GALNT13: variants seen among roughly 807,000 people sequenced by gnomAD.
GALNT13 encodes the protein UDP-GalNAc:polypeptide N-acetylgalactosaminyltransferase 13.
A neutral mutation model predicts 64.2 loss-of-function variants in GALNT13; 28 were observed. The ratio of observed to expected loss-of-function variants is 0.44; its 90% CI spans 0.32 to 0.60. The LOEUF (loss-of-function observed/expected upper bound fraction) is 0.60, where lower values mean the gene tolerates loss of function less well. Ranked by LOEUF, GALNT13 falls within the 20% of genes least tolerant of loss-of-function variation. GALNT13 has a pLI of 0.05. For missense variants in GALNT13, 577 were observed against 669.8 expected (o/e 0.86, Z 1.53); for synonymous variants, 214 against 224.6 (o/e 0.95, Z 0.42).
chr2:153,140,372 G>A, the GALNT13 span, among the ~76,000 whole-genome samples: 3 of 151,952 alleles, frequency 2.0e-5, no homozygotes, highest in African/African-American at 7.2e-5. Context: ...GATTCCAAAG[G>A]TTGTATACAA....
the GALNT13 span, among the ~76,000 whole-genome samples, chr2:153,589,298 C>A: frequency 6.6e-6 from 1 of 152,202 alleles, no homozygotes; most frequent in Non-Finnish European, 1.5e-5. Context: ...ACAAGTTCTT[C>A]CTCTCCATCT....
chr2:153,171,078 C>T, the GALNT13 span, among the ~76,000 whole-genome samples: 1 of 152,178 alleles, frequency 6.6e-6, no homozygotes. Context: ...ATTCGGTTAC[C>T]CCACTGGTAG....
the GALNT13 span, among the ~76,000 whole-genome samples, chr2:153,254,726 A>G: frequency 6.6e-6 from 1 of 151,734 alleles, no homozygotes; most frequent in Non-Finnish European, 1.5e-5. Context: ...TTCGTTATGT[A>G]CCCAGTAATC....
At chr2:153,427,080 A>G in the GALNT13 span, among the ~76,000 whole-genome samples, 1 of 152,010 alleles carries the variant, frequency 6.6e-6, no homozygotes. Context: ...CACCAGGAAA[A>G]CATTTTAAAT....
the GALNT13 span, among the ~76,000 whole-genome samples, chr2:153,791,419 C>CA: frequency 3.9e-5 from 6 of 151,990 alleles, no homozygotes; most frequent in Non-Finnish European, 7.4e-5. Flanking sequence ...ATTAAAAAGT[C>CA]AAAAAATAAC....
chr2:154,422,507 T>A (rs1358121543), intron 11 of GALNT13, among the ~76,000 whole-genome samples: 3 of 152,204 alleles, frequency 2.0e-5, no homozygotes, highest in African/African-American at 7.2e-5. Context: ...AACAGCCTAG[T>A]GTCCATTCCA....
chr2:154,262,590 T>C (rs961200208), intron 8 of GALNT13, among the ~76,000 whole-genome samples: 1 of 152,196 alleles, frequency 6.6e-6, no homozygotes, highest in African/African-American at 2.4e-5. Flanking sequence ...CTAACAGCAC[T>C]GTCTAAACAT....
the GALNT13 span, among the ~76,000 whole-genome samples, chr2:153,360,975 A>G: frequency 0.14 from 21,131 of 152,144 alleles, 1,537 homozygotes; most frequent in Non-Finnish European, 0.17. Flanking sequence ...TCCTACTGGC[A>G]TCAGATTGGT....
the GALNT13 span, among the ~76,000 whole-genome samples, chr2:153,436,392 C>G: frequency 6.6e-6 from 1 of 152,146 alleles, no homozygotes; most frequent in Non-Finnish European, 1.5e-5. Flanking sequence ...GGAAGAGTTT[C>G]AGGAGGAATG....
chr2:154,093,662 A>G (rs939425542), intron 3 of GALNT13, among the ~76,000 whole-genome samples: 5 of 135,350 alleles, frequency 3.7e-5, no homozygotes, highest in Non-Finnish European at 6.2e-5. Context: ...TTTGCCACAC[A>G]TTATTTCTTT....
rs563615940 is a variant in GALNT13 at position 154,407,368 on chromosome 2, T to C, written c.1297-1616T>C. On this transcript the variant is annotated intron_variant, in intron 10 of 12. Transcript: ENST00000392825. Reference sequence around the variant, plus strand: ...AAATCTTCCTTTTATGAAAAGTCAATAAAATCTGATGTAAGGGATTTAAAA... The same window carrying C: ...AAATCTTCCTTTTATGAAAAGTCAACAAAATCTGATGTAAGGGATTTAAAA... Among the ~76,000 whole-genome samples the C allele has an allele frequency of 2.0e-5, 3 of 152,270 alleles. No individual in the cohort carries two copies. In the East Asian group the frequency reaches 5.8e-4, roughly 29 times the overall value.
chr2:153,788,608 C>A, the GALNT13 span, among the ~76,000 whole-genome samples: 7 of 152,030 alleles, frequency 4.6e-5, no homozygotes, highest in Non-Finnish European at 8.8e-5. Context: ...TCAATATTAA[C>A]CTTTAATGTA....
chr2:154,162,031 T>G (rs1443844824), intron 4 of GALNT13, among the ~76,000 whole-genome samples: 2 of 152,198 alleles, frequency 1.3e-5, no homozygotes, highest in Non-Finnish European at 2.9e-5. Context: ...TCCGCCCGTC[T>G]CGGCCTCCCA....
chr2:153,821,500 A>C, the GALNT13 span, among the ~76,000 whole-genome samples: 1 of 152,334 alleles, frequency 6.6e-6, no homozygotes, highest in Non-Finnish European at 1.5e-5. Context: ...TGGGTAAGCA[A>C]AAAAATTAAG....
At chr2:154,273,765 C>T (rs1290716937) in intron 8 of GALNT13, among the ~76,000 whole-genome samples, 1 of 152,094 alleles carries the variant, frequency 6.6e-6, no homozygotes, top group African/African-American at 2.4e-5. Flanking sequence ...ATAATGAAAT[C>T]ACCTAATGGT....
chr2:153,815,273 G>C, the GALNT13 span, among the ~76,000 whole-genome samples: 6 of 152,112 alleles, frequency 3.9e-5, no homozygotes, highest in Non-Finnish European at 1.5e-5. Flanking sequence ...CTTATTTTGA[G>C]CTGGTGATCA....
chr2:153,749,908 A>G, the GALNT13 span, among the ~76,000 whole-genome samples: 1 of 151,862 alleles, frequency 6.6e-6, no homozygotes, highest in Admixed American at 6.6e-5. Context: ...CATGTCCCAG[A>G]TCTTAGAGGA....
At chr2:153,076,101 G>A in the GALNT13 span, among the ~76,000 whole-genome samples, 1 of 151,814 alleles carries the variant, frequency 6.6e-6, no homozygotes, top group African/African-American at 2.4e-5. Context: ...GTTTTTTGCC[G>A]AGGTATCTTT....
Position 154,176,245 on chromosome 2 carries a change from T to G in GALNT13, c.311+35740T>G, listed in dbSNP as rs932198780. Among the ~76,000 whole-genome samples, 3 of 56,806 alleles carry G rather than the reference T, an allele frequency of 5.3e-5. No homozygotes were observed. The South Asian group carries it at 1.4e-3, about 27-fold the overall frequency. The allele number at this position is 56,806 out of a possible 152,430, so 37.3% of individuals were successfully genotyped here. ...AGGTCTAGTAGAACATATATATTAT[T>G]TATTTATTTATTTATTTATTTATTT... is the stretch of plus-strand genomic sequence containing the variant. On this transcript the variant is annotated intron_variant, in intron 4 of 12. Coordinates refer to ENST00000392825, the MANE Select transcript of GALNT13 (RefSeq NM_052917.4).
Sources: allele counts gnomAD v4.1 joint callset (sites outside exome capture counted in the v4.1 genomes callset), GRCh38; gene constraint gnomAD v4.1.1; transcripts MANE v1.5; gene names NCBI Gene and HGNC (gene_info 2026-07-23, HGNC 2026-07-21).